The following ANTXR2 variants were observed in gnomAD, a reference collection of about 807,000 sequenced individuals.
ANTXR2 encodes the protein anthrax toxin receptor 2.
A neutral mutation model predicts 73.7 loss-of-function variants in ANTXR2; 44 were observed. The observed-to-expected ratio is 0.60, with a 90% CI of 0.47 to 0.77. ANTXR2 has a LOEUF of 0.77. Ranked by LOEUF, ANTXR2 falls within the 30% of genes least tolerant of loss-of-function variation. The pLI, the probability that ANTXR2 is intolerant of heterozygous loss-of-function variation, is 0.00. For synonymous variants in ANTXR2, 217 were observed against 205.9 expected (o/e 1.05, Z -0.46); for missense variants, 604 against 592.5 (o/e 1.02, Z -0.20).
intron 16 of ANTXR2, among the ~76,000 whole-genome samples, chr4:79,957,946 T>C (rs998922143): frequency 6.6e-6 from 1 of 152,112 alleles, no homozygotes; most frequent in African/African-American, 2.4e-5. Context: ...AGGGCTGCAA[T>C]AGTGAAATAT....
chr4:79,991,923 GA>G, intron 12 of ANTXR2, among the ~76,000 whole-genome samples: 1 of 151,942 alleles, frequency 6.6e-6, no homozygotes, highest in Non-Finnish European at 1.5e-5. Context: ...CAAATGGACA[GA>G]AAGATGAGAA....
At chr4:79,949,785 C>T (rs1018305473) in intron 16 of ANTXR2, among the ~76,000 whole-genome samples, 1 of 152,166 alleles carries the variant, frequency 6.6e-6, no homozygotes, top group Non-Finnish European at 1.5e-5. Context: ...TTTTAGTTTT[C>T]TCCTAAGCCA....
chr4:79,996,004 G>C (rs1730705464), intron 12 of ANTXR2, among the ~76,000 whole-genome samples: 1 of 151,974 alleles, frequency 6.6e-6, no homozygotes, highest in South Asian at 2.1e-4. Context: ...CACATGCTCT[G>C]TCTCTATAGC....
rs143530954 is a variant in ANTXR2, at chr4:80,046,903, A to G, written c.636+7369T>C. Among the ~76,000 whole-genome samples the G allele has an allele frequency of 2.1e-3, 322 of 151,844 alleles. 4 individuals carry two copies. In the South Asian group the frequency reaches 0.026, roughly 12 times the overall value. On this transcript the variant is annotated intron_variant, in intron 7 of 16. Coordinates refer to ENST00000403729, the MANE Select transcript of ANTXR2 (RefSeq NM_058172.6). ...AAATGAAGTATAATTGAGAAATTGT[A>G]CATTTTTCCTCATAATGTACACCAA...
rs1432861427 is a variant in ANTXR2, at chr4:80,069,427, T to G, written c.296+9A>C. 2 of 1,568,372 alleles carry G rather than the reference T, an allele frequency of 1.3e-6. No homozygotes were observed. Among genetic ancestry groups the G allele is most frequent in the Admixed American group, 3.4e-5 (2 of 58,298 alleles). On this transcript the variant is annotated intron_variant, in intron 3 of 16. Coordinates refer to ENST00000403729, the MANE Select transcript of ANTXR2 (RefSeq NM_058172.6). ...CTAAAAGCCTGCAGTGAAATGATAA[T>G]GCACTAACCTGTCTCCAGTTAATGG...
intron 11 of ANTXR2, among the ~76,000 whole-genome samples, chr4:80,016,637 C>T (rs571602742): frequency 1.9e-3 from 292 of 152,316 alleles, no homozygotes; most frequent in South Asian, 8.7e-3. Context: ...ATTTCCACTG[C>T]GATGTCCAAT....
Position 80,033,522 on chromosome 4 carries a change from C to T in ANTXR2, c.746G>A (p.Arg249Gln), listed in dbSNP as rs764149126. ...GTAAGTGCAGAGAACACTGCCATTC[C>T]GACTGCCCAGCATGAATCCTCTTCC... ...LSGRGFMLGS[R>Q]NGSVLCTYTV... The change falls in exon 9 of 17, where the codon CGG (arginine) becomes CAG (glutamine). Residue 249 changes from arginine to glutamine, a missense_variant. Physicochemically the swap from Arg to Gln is conservative, Grantham distance 43. Coordinates refer to ENST00000403729, the MANE Select transcript of ANTXR2 (RefSeq NM_058172.6). The T allele has an allele frequency of 4.0e-5, 64 of 1,598,456 alleles. No individual in the cohort carries two copies. The highest frequency in any genetic ancestry group is 2.6e-4 in the South Asian group (23 of 87,064).
intron 12 of ANTXR2, among the ~76,000 whole-genome samples, chr4:80,002,880 A>G (rs1731117197): frequency 6.7e-6 from 1 of 149,238 alleles, no homozygotes; most frequent in Non-Finnish European, 1.5e-5. Context: ...CACACCAGTT[A>G]GAATGGCAAT....
intron 16 of ANTXR2, among the ~76,000 whole-genome samples, chr4:79,915,573 AG>A (rs1727309759): frequency 6.6e-6 from 1 of 152,132 alleles, no homozygotes; most frequent in Non-Finnish European, 1.5e-5. Flanking sequence ...TTCTAAAAAA[AG>A]GTTACTAAAC....
intron 7 of ANTXR2, among the ~76,000 whole-genome samples, chr4:80,053,029 T>C (rs1733839858): frequency 6.6e-6 from 1 of 151,582 alleles, no homozygotes; most frequent in Non-Finnish European, 1.5e-5. Flanking sequence ...CTTCCCAGTA[T>C]AATTATAAAA....
At chr4:79,998,926 A>T (rs1031604239) in intron 12 of ANTXR2, among the ~76,000 whole-genome samples, 1 of 152,020 alleles carries the variant, frequency 6.6e-6, no homozygotes, top group African/African-American at 2.4e-5. Flanking sequence ...AAGGTCTCCA[A>T]ATATCATTGG....
At chr4:80,041,731 T>C (rs887676006) in intron 7 of ANTXR2, among the ~76,000 whole-genome samples, 7 of 152,154 alleles carry the variant, frequency 4.6e-5, no homozygotes, top group Non-Finnish European at 8.8e-5. Flanking sequence ...TGGTTTTATG[T>C]TCCTGCATTA....
intron 7 of ANTXR2, among the ~76,000 whole-genome samples, chr4:80,043,415 G>T (rs370681282): frequency 7.7e-4 from 117 of 152,102 alleles, no homozygotes; most frequent in African/African-American, 2.7e-3. Context: ...AGTCTGTCAT[G>T]TATTAACATG....
chr4:80,024,784 G>A lies in ANTXR2; in HGVS notation c.867-5808C>T, dbSNP rs117948225. ...AAAAAGAAAAAACTGACAGTTAAGA[G>A]ACTGTAAAAACAAAAGTAGTCTAAA... On this transcript the variant is annotated intron_variant, in intron 10 of 16. Coordinates refer to ENST00000403729, the MANE Select transcript of ANTXR2 (RefSeq NM_058172.6). 5.0e-4 allele frequency: 196 copies of A among 389,724 alleles called. No individual in the cohort carries two copies. In the East Asian group the frequency reaches 0.014, roughly 28 times the overall value. The allele number at this position is 389,724 out of a possible 1,614,324, so 24.1% of individuals were successfully genotyped here.
intron 16 of ANTXR2, among the ~76,000 whole-genome samples, chr4:79,937,789 G>C (rs1006832814): frequency 6.7e-4 from 101 of 151,230 alleles, no homozygotes; most frequent in African/African-American, 2.4e-3. Context: ...AGAAGACGGT[G>C]ATTTCTGCAT....
chr4:79,947,387 G>T (rs550871314), intron 16 of ANTXR2, among the ~76,000 whole-genome samples: 1 of 152,060 alleles, frequency 6.6e-6, no homozygotes, highest in African/African-American at 2.4e-5. Context: ...AACAAGGATT[G>T]GTTTGGCATG....
chr4:79,910,745 G>C (rs1727100530), intron 16 of ANTXR2, among the ~76,000 whole-genome samples: 1 of 151,996 alleles, frequency 6.6e-6, no homozygotes, highest in South Asian at 2.1e-4. Flanking sequence ...GACAGAATAA[G>C]TATGAATCTG....
intron 3 of ANTXR2, among the ~76,000 whole-genome samples, chr4:80,062,359 C>T (rs1734302969): frequency 6.6e-6 from 1 of 152,178 alleles, no homozygotes; most frequent in African/African-American, 2.4e-5. Flanking sequence ...CCACTCACTG[C>T]CTTACTAAAT....
At chr4:80,071,798 C>A in intron 1 of ANTXR2, 144 bp from the exon 2 acceptor site, 1 of 637,082 alleles carries the variant, frequency 1.6e-6, no homozygotes. Flanking sequence ...GTAGCTGAAA[C>A]TTTGGTGGTA....
Sources: allele counts gnomAD v4.1 joint callset (sites outside exome capture counted in the v4.1 genomes callset), GRCh38; gene constraint gnomAD v4.1.1; transcripts MANE v1.5; gene names NCBI Gene and HGNC (gene_info 2026-07-23, HGNC 2026-07-21).